Variants in NRXN3 observed in about 807,000 individuals in gnomAD.
NRXN3 encodes the protein neurexin III.
Under a neutral mutation model 137.6 loss-of-function variants are expected in NRXN3, and 32 were observed. The observed-to-expected ratio is 0.23, with a 90% CI of 0.18 to 0.31. The LOEUF (loss-of-function observed/expected upper bound fraction) is 0.31, where lower values mean the gene tolerates loss of function less well. Ranked by LOEUF, NRXN3 falls within the 10% of genes least tolerant of loss-of-function variation. The pLI is 1.00. For synonymous variants in NRXN3, 798 were observed against 784.5 expected (o/e 1.02, Z -0.29); for missense variants, 1,574 against 2,062.5 (o/e 0.76, Z 4.59).
intron 19 of NRXN3, among the ~76,000 whole-genome samples, chr14:79,731,266 A>T (rs1203686997): frequency 6.6e-6 from 1 of 152,238 alleles, no homozygotes; most frequent in Non-Finnish European, 1.5e-5. Context: ...CCACGGAGAT[A>T]ACTTCATAAA....
At chr14:79,764,859 T>C (rs1309475979) in intron 19 of NRXN3, among the ~76,000 whole-genome samples, 3 of 152,218 alleles carry the variant, frequency 2.0e-5, no homozygotes, top group Non-Finnish European at 4.4e-5. Flanking sequence ...CTAGTGCATC[T>C]GCTAATTCCT....
intron 16 of NRXN3, among the ~76,000 whole-genome samples, chr14:79,496,474 T>C (rs1283443759): frequency 6.6e-6 from 1 of 152,022 alleles, no homozygotes; most frequent in East Asian, 1.9e-4. Flanking sequence ...TAGAACACAG[T>C]GTAGTCATTC....
intron 4 of NRXN3, among the ~76,000 whole-genome samples, chr14:78,417,108 A>G (rs556439007): frequency 6.6e-6 from 1 of 152,196 alleles, no homozygotes; most frequent in Non-Finnish European, 1.5e-5. Flanking sequence ...AAGGTCAACT[A>G]TGCTGGCCCC....
At chr14:79,200,828 ATTTTTTTTTT>A (rs56194422) in intron 15 of NRXN3, among the ~76,000 whole-genome samples, 30 of 59,082 alleles carry the variant, frequency 5.1e-4, no homozygotes, top group Admixed American at 1.4e-3. Context: ...TGTGAGCTGT[ATTTTTTTTTT>A]TTTTTTTTTT....
chr14:78,537,433 C>A (rs2096546910), intron 4 of NRXN3, among the ~76,000 whole-genome samples: 1 of 152,090 alleles, frequency 6.6e-6, no homozygotes, highest in Non-Finnish European at 1.5e-5. Context: ...CTGTTCATAT[C>A]TTTGCCCACT....
At chr14:78,942,629 G>T (rs148662232) in intron 10 of NRXN3, among the ~76,000 whole-genome samples, 19 of 152,138 alleles carry the variant, frequency 1.2e-4, no homozygotes, top group African/African-American at 4.3e-4. Context: ...ACAGGAGGGG[G>T]AAAATGGGAG....
chr14:79,637,726 G>GTTTTTTTTTTTT (rs1447669099), intron 16 of NRXN3, among the ~76,000 whole-genome samples: 91 of 92,876 alleles, frequency 9.8e-4, no homozygotes, highest in Middle Eastern at 0.015. Context: ...ATATAGAAAA[G>GTTTTTTTTTTTT]TTCTTTTTTT....
intron 15 of NRXN3, among the ~76,000 whole-genome samples, chr14:79,403,401 G>A (rs2095249888): frequency 6.6e-6 from 1 of 152,134 alleles, no homozygotes; most frequent in African/African-American, 2.4e-5. Context: ...AATCAGCTCA[G>A]TAGGGGGAAG....
chr14:79,490,663 G>C (rs907740356), intron 16 of NRXN3, among the ~76,000 whole-genome samples: 3 of 151,492 alleles, frequency 2.0e-5, no homozygotes, highest in Non-Finnish European at 4.4e-5. Context: ...GGTTACCAGA[G>C]GCTGGGAAGG....
intron 10 of NRXN3, among the ~76,000 whole-genome samples, chr14:78,888,703 A>G (rs540957162): frequency 6.6e-6 from 1 of 152,128 alleles, no homozygotes; most frequent in African/African-American, 2.4e-5. Flanking sequence ...TGTGAAGAAA[A>G]TTCAATTTTT....
chr14:79,853,154 C>T (rs997293012), intron 20 of NRXN3, among the ~76,000 whole-genome samples: 4 of 152,098 alleles, frequency 2.6e-5, no homozygotes, highest in Non-Finnish European at 5.9e-5. Flanking sequence ...CAACCCAGTG[C>T]GTGGGCCCCC....
chr14:79,492,923 G>C (rs1165161691), intron 16 of NRXN3, among the ~76,000 whole-genome samples: 2 of 152,184 alleles, frequency 1.3e-5, no homozygotes, highest in Non-Finnish European at 2.9e-5. Context: ...TCATTGGCTA[G>C]TAAATGTATA....
intron 15 of NRXN3, among the ~76,000 whole-genome samples, chr14:79,290,071 T>G (rs1379702589): frequency 6.6e-6 from 1 of 152,160 alleles, no homozygotes; most frequent in Non-Finnish European, 1.5e-5. Flanking sequence ...CTGAGTGACT[T>G]TCCCCCAAAC....
chr14:78,874,766 T>C (rs1350603411), intron 10 of NRXN3, among the ~76,000 whole-genome samples: 1 of 152,074 alleles, frequency 6.6e-6, no homozygotes, highest in African/African-American at 2.4e-5. Flanking sequence ...TGATTTGGGG[T>C]CAAGTCTGGG....
intron 15 of NRXN3, among the ~76,000 whole-genome samples, chr14:79,113,315 G>C (rs750824821): frequency 6.6e-6 from 1 of 152,118 alleles, no homozygotes; most frequent in Non-Finnish European, 1.5e-5. Context: ...GTATACTGGG[G>C]CAGTCTAACT....
At chr14:78,987,874 T>C in intron 14 of NRXN3, 148 bp from the exon 15 acceptor site, 1 of 776,080 alleles carries the variant, frequency 1.3e-6, no homozygotes, top group South Asian at 1.9e-5. Flanking sequence ...TCTTGTTGCA[T>C]GAGATTGAGT....
intron 15 of NRXN3, among the ~76,000 whole-genome samples, chr14:79,316,211 C>G (rs1409349171): frequency 1.3e-5 from 2 of 152,202 alleles, no homozygotes; most frequent in East Asian, 3.9e-4. Context: ...ACCATGCAAA[C>G]ATTTGCTTGT....
At chr14:78,934,984 A>T (rs1408141560) in intron 10 of NRXN3, among the ~76,000 whole-genome samples, 2 of 150,798 alleles carry the variant, frequency 1.3e-5, no homozygotes, top group Non-Finnish European at 1.5e-5. Flanking sequence ...ATAATAATAA[A>T]AGAAGAAATA....
At chr14:78,195,861 A>G (rs1013953947) in intron 1 of NRXN3, among the ~76,000 whole-genome samples, 1 of 152,200 alleles carries the variant, frequency 6.6e-6, no homozygotes, top group African/African-American at 2.4e-5. Context: ...CATTGTAACC[A>G]AGTGCTTTTC....
Sources: gnomAD v4.1 joint callset for allele counts (sites outside exome capture counted in the v4.1 genomes callset) on GRCh38, gnomAD v4.1.1 for gene constraint, MANE v1.5 for transcripts, NCBI Gene and HGNC (gene_info 2026-07-23, HGNC 2026-07-21) for gene names.